Variants in SHCBP1L observed in about 807,000 individuals in gnomAD.
SHCBP1L encodes the protein SHC binding and spindle associated 1 like.
SHCBP1L carries 67 observed loss-of-function variants against 62.5 expected under a neutral mutation model. That is an observed-to-expected ratio of 1.07 (90% CI 0.88 to 1.31). The LOEUF (loss-of-function observed/expected upper bound fraction) is 1.31, where lower values mean the gene tolerates loss of function less well. Among genes scored for constraint, SHCBP1L ranks in the 40% most tolerant of loss-of-function variants. SHCBP1L has a pLI of 0.00. For missense variants in SHCBP1L, 823 were observed against 809.8 expected (o/e 1.02, Z -0.20); for synonymous variants, 284 against 289.4 (o/e 0.98, Z 0.19).
In SHCBP1L at chr1:182,899,885, A is replaced by T. The variant is rs931694012; in HGVS notation, c.*98T>A. On this transcript the variant is annotated 3_prime_UTR_variant, in exon 10 of 10. Coordinates refer to ENST00000367547, the MANE Select transcript of SHCBP1L (RefSeq NM_030933.4). ...AAGCATGATATTTAAATATTTTTTA[A>T]TTAAGCTTTGAATTGAAACTACCAT... 7.9e-6 allele frequency: 8 copies of T among 1,018,602 alleles called. No homozygotes were observed. In the East Asian group the frequency reaches 2.1e-4, roughly 27 times the overall value. 63.1% of individuals were successfully genotyped at this position (1,018,602 alleles called of 1,614,324 possible). A position where few individuals can be genotyped will look rare whatever the true frequency, so the allele number is the denominator to read the frequency against.
chr1:182,900,022 T>A lies in SHCBP1L; in HGVS notation c.1923A>T (p.Glu641Asp). The change falls in exon 10 of 10, where the codon GAA (glutamate) becomes GAT (aspartate). Residue 641 changes from glutamate (E) to aspartate (D), a missense_variant. Glu to Asp is a conservative substitution (Grantham distance 45, BLOSUM62 2). Transcript: ENST00000367547. ...TTCTGATATCCCCCTTGACGTTTGC[T>A]TCTATCTTATTATTATTCATTTCCA... ...LNLEMNNNKI[E>D]ANVKGDIRIV... 1 of 1,612,750 alleles carries A rather than the reference T, an allele frequency of 6.2e-7. No homozygotes were observed. Among genetic ancestry groups the A allele is most frequent in the Non-Finnish European group, 8.5e-7 (1 of 1,179,412 alleles).
In SHCBP1L at chr1:182,951,558, T is replaced by C. The variant is rs966616115; in HGVS notation, c.406-91A>G. 1.5e-5 allele frequency: 14 copies of C among 917,064 alleles called. 1 individual carries two copies. The highest frequency in any genetic ancestry group is 2.9e-5 in the Admixed American group (1 of 34,070). 56.8% of individuals were successfully genotyped at this position (917,064 alleles called of 1,614,324 possible). ...TTTTTTTTTTTTACTGATTTCTATT[T>C]TAAAATGGAACCAATATAGCCTTAA... On this transcript the variant is annotated intron_variant, in intron 1 of 9. Coordinates refer to ENST00000367547, the MANE Select transcript of SHCBP1L (RefSeq NM_030933.4).
chr1:182,930,439 C>G (rs1416266617), intron 5 of SHCBP1L, among the ~76,000 whole-genome samples: 1 of 150,448 alleles, frequency 6.6e-6, no homozygotes, highest in African/African-American at 2.4e-5. Context: ...AAGGGACACT[C>G]TTTTTCCAAT....
At chr1:182,930,889 CTT>C (rs564364700) in intron 5 of SHCBP1L, among the ~76,000 whole-genome samples, 28 of 114,230 alleles carry the variant, frequency 2.5e-4, no homozygotes, top group African/African-American at 5.5e-4. Context: ...CCTTGCCTGG[CTT>C]TTTTTTTTTT....
Position 182,951,432 on chromosome 1 carries a change from T to C in SHCBP1L, c.441A>G (p.Leu147=). The change falls in exon 2 of 10, where the codon CTA becomes CTG. Residue 147 remains leucine (L), a synonymous_variant. Transcript: ENST00000367547. ...EDADEVMGKY[L]SEKLKLKDKW... ...TGTCTTTCAACTTTAATTTTTCTGA[T>C]AGGTATTTACCCATAACTTCATCAG... 6.2e-7 allele frequency: 1 copy of C among 1,609,234 alleles called. No individual in the cohort carries two copies. The highest frequency in any genetic ancestry group is 8.5e-7 in the Non-Finnish European group (1 of 1,177,386).
intron 6 of SHCBP1L, among the ~76,000 whole-genome samples, chr1:182,928,349 C>T (rs1381825773): frequency 1.3e-5 from 2 of 152,046 alleles, no homozygotes; most frequent in East Asian, 1.9e-4. Context: ...ATACTCTTTG[C>T]TCTCAAGAAG....
chr1:182,952,380 T>A (rs983858486), intron 1 of SHCBP1L: 94 of 212,448 alleles, frequency 4.4e-4, no homozygotes, highest in Admixed American at 3.5e-4. Flanking sequence ...GTGATCTTAC[T>A]CATGTTTGGA....
intron 5 of SHCBP1L, among the ~76,000 whole-genome samples, chr1:182,935,145 C>G (rs944874750): frequency 6.6e-6 from 1 of 152,106 alleles, no homozygotes; most frequent in African/African-American, 2.4e-5. Context: ...AGTCCTTCTA[C>G]TTTTTGGCTA....
At chr1:182,902,216 A>T (rs1415774830) in intron 9 of SHCBP1L, among the ~76,000 whole-genome samples, 4 of 151,406 alleles carry the variant, frequency 2.6e-5, no homozygotes, top group Middle Eastern at 3.4e-3. Flanking sequence ...CGGTTGGCTA[A>T]TTTTTTTTGT....
intron 6 of SHCBP1L, among the ~76,000 whole-genome samples, chr1:182,907,195 G>A (rs903203731): frequency 1.3e-5 from 2 of 151,796 alleles, no homozygotes; most frequent in African/African-American, 4.8e-5. Context: ...CATTTTGGGA[G>A]GCCAAGGTGG....
chr1:182,924,730 A>AAGAT (rs1489074305), intron 6 of SHCBP1L, among the ~76,000 whole-genome samples: 1 of 88,296 alleles, frequency 1.1e-5, no homozygotes, highest in Non-Finnish European at 1.9e-5. Context: ...GAAAGAAAGA[A>AAGAT]AGAAAGAAAG....
chr1:182,948,609 G>T (rs922593763), intron 2 of SHCBP1L, among the ~76,000 whole-genome samples: 21 of 152,176 alleles, frequency 1.4e-4, no homozygotes, highest in Non-Finnish European at 2.5e-4. Flanking sequence ...TTTTAGCTCA[G>T]TTAGGCCCAT....
At chr1:182,937,513 C>T (rs902528799) in intron 5 of SHCBP1L, among the ~76,000 whole-genome samples, 3 of 151,978 alleles carry the variant, frequency 2.0e-5, no homozygotes, top group Non-Finnish European at 4.4e-5. Context: ...GATATTTATC[C>T]TGTTTGGTGT....
chr1:182,930,727 A>ATTTT (rs71127328), intron 5 of SHCBP1L, among the ~76,000 whole-genome samples: 11 of 20,960 alleles, frequency 5.2e-4, no homozygotes, highest in African/African-American at 1.1e-3. Flanking sequence ...ATATATATGT[A>ATTTT]TTTTTTTTTT....
chr1:182,909,383 G>A (rs1170351840), intron 6 of SHCBP1L, among the ~76,000 whole-genome samples: 2 of 152,240 alleles, frequency 1.3e-5, no homozygotes, highest in African/African-American at 4.8e-5. Context: ...CGTAAAGAGG[G>A]AAAGATAGCA....
chr1:182,944,905 C>A (rs1406122965), intron 2 of SHCBP1L, among the ~76,000 whole-genome samples: 1 of 151,500 alleles, frequency 6.6e-6, no homozygotes, highest in Non-Finnish European at 1.5e-5. Flanking sequence ...GTTTTCCCAG[C>A]AGTCAATAAT....
In SHCBP1L at chr1:182,903,040, TTCA is replaced by T; in HGVS notation, c.1706_1708del (p.Met569del). 1 of 1,579,262 alleles carries T rather than the reference TTCA, an allele frequency of 6.3e-7. No individual in the cohort carries two copies. Among genetic ancestry groups the T allele is most frequent in the African/African-American group, 1.4e-5 (1 of 73,778 alleles). On this transcript the variant is annotated inframe_deletion and splice_region_variant, in exon 9 of 10. Coordinates refer to ENST00000367547, the MANE Select transcript of SHCBP1L (RefSeq NM_030933.4). The stretch of plus-strand genomic sequence containing the variant: ...CTACATCAAGAAATAAGAGAATACC[TTCA>T]TATTAACTCCACCTAAGGTGCTTTT...
rs1158155433 is a variant in SHCBP1L, at chr1:182,940,557, C to T, written c.556-14G>A. Reference sequence around the variant, plus strand: ...TTCACAAGTTACCTAAGATAAATATCATAAGAGATAAGAGATATAGTTATA... The same window carrying T: ...TTCACAAGTTACCTAAGATAAATATTATAAGAGATAAGAGATATAGTTATA... On this transcript the variant is annotated splice_polypyrimidine_tract_variant and intron_variant, in intron 2 of 9. Transcript: ENST00000367547. The T allele has an allele frequency of 9.3e-6, 15 of 1,604,356 alleles. No homozygotes were observed. The East Asian group carries it at 1.8e-4, about 19-fold the overall frequency.
Position 182,903,123 on chromosome 1 carries a change from A to AAT in SHCBP1L, c.1624_1625dup (p.Leu543PhefsTer23). ...AGTGATGAATTTCATTTCTTTCCAA[A>AAT]ATAGCTATGCTTCCAGGATACAGTT... On this transcript the variant is annotated frameshift_variant, in exon 9 of 10. Coordinates refer to ENST00000367547, the MANE Select transcript of SHCBP1L (RefSeq NM_030933.4). LOFTEE classifies it high-confidence loss of function. 1.2e-6 allele frequency: 2 copies of AAT among 1,602,030 alleles called. No homozygotes were observed. The highest frequency in any genetic ancestry group is 1.7e-6 in the Non-Finnish European group (2 of 1,173,800).
Sources: allele counts gnomAD v4.1 joint callset (sites outside exome capture counted in the v4.1 genomes callset), GRCh38; gene constraint gnomAD v4.1.1; transcripts MANE v1.5; gene names NCBI Gene and HGNC (gene_info 2026-07-23, HGNC 2026-07-21).